The following RAB27A variants were observed in gnomAD, a reference collection of about 807,000 sequenced individuals.
RAB27A encodes ras-related protein Rab-27A.
In RAB27A, 17 loss-of-function variants were observed where a neutral mutation model predicts 20.8. The observed-to-expected ratio is 0.82, with a 90% confidence interval of 0.56 to 1.23. The LOEUF (loss-of-function observed/expected upper bound fraction) is 1.23, where lower values mean the gene tolerates loss of function less well. Ranked by LOEUF, RAB27A falls within the 50% of genes most tolerant of loss-of-function variation. The pLI is 0.00. For missense variants in RAB27A, 277 were observed against 266.7 expected (o/e 1.04, Z -0.27); for synonymous variants, 85 against 92.8 (o/e 0.92, Z 0.48).
intron 2 of RAB27A, among the ~76,000 whole-genome samples, chr15:55,299,063 C>T (rs1282769234): frequency 6.6e-6 from 1 of 152,136 alleles, no homozygotes; most frequent in Non-Finnish European, 1.5e-5. Flanking sequence ...TCCTCCTCAG[C>T]TGACAGGATT....
At chr15:55,239,087 G>T (rs527372800) in intron 2 of RAB27A, among the ~76,000 whole-genome samples, 1 of 152,232 alleles carries the variant, frequency 6.6e-6, no homozygotes, top group East Asian at 1.9e-4. Context: ...GGACATGCAG[G>T]TTCTGACAGG....
At chr15:55,271,539 T>C (rs971080495) in intron 1 of RAB27A, among the ~76,000 whole-genome samples, 2 of 152,246 alleles carry the variant, frequency 1.3e-5, no homozygotes, top group Non-Finnish European at 2.9e-5. Flanking sequence ...TGGCTCCTTG[T>C]GCCAGCAATG....
chr15:55,277,153 C>G (rs186803213), intron 1 of RAB27A, among the ~76,000 whole-genome samples: 1 of 152,090 alleles, frequency 6.6e-6, no homozygotes, highest in African/African-American at 2.4e-5. Flanking sequence ...TTCTCTACTT[C>G]TGTAATAAAG....
chr15:55,267,840 A>G (rs958956655), intron 2 of RAB27A, among the ~76,000 whole-genome samples: 3 of 152,200 alleles, frequency 2.0e-5, no homozygotes, highest in African/African-American at 4.8e-5. Flanking sequence ...AGCCGCAGAG[A>G]GAGGCAGCCT....
intron 2 of RAB27A, among the ~76,000 whole-genome samples, chr15:55,255,335 T>C (rs141478659): frequency 6.6e-6 from 1 of 152,338 alleles, no homozygotes; most frequent in African/African-American, 2.4e-5. Context: ...ATGAATGCTT[T>C]GGCTAACTTG....
intron 2 of RAB27A, among the ~76,000 whole-genome samples, chr15:55,312,694 C>T (rs879459232): frequency 2.0e-5 from 3 of 152,038 alleles, no homozygotes; most frequent in Non-Finnish European, 2.9e-5. Flanking sequence ...TATGTAACAA[C>T]TAAACTGGCA....
At chr15:55,297,561 C>T (rs2054954764) in intron 2 of RAB27A, among the ~76,000 whole-genome samples, 1 of 152,230 alleles carries the variant, frequency 6.6e-6, no homozygotes, top group Non-Finnish European at 1.5e-5. Flanking sequence ...CAGCTGGGGC[C>T]TCTTACCAGT....
At chr15:55,310,384 C>T (rs1595757480) in intron 2 of RAB27A, among the ~76,000 whole-genome samples, 1 of 152,186 alleles carries the variant, frequency 6.6e-6, no homozygotes, top group East Asian at 1.9e-4. Flanking sequence ...GCCCCGGGCA[C>T]CCTCAGTCCT....
chr15:55,215,423 A>C (rs8026414), intron 6 of RAB27A, among the ~76,000 whole-genome samples: 51,380 of 147,224 alleles, frequency 0.35, 10,749 homozygotes, highest in African/African-American at 0.6. Context: ...GAGGCCGAGG[A>C]GGGCGGATCA....
upstream of RAB27A, among the ~76,000 whole-genome samples, chr15:55,293,705 G>A (rs1330187871): frequency 1.3e-5 from 2 of 151,884 alleles, no homozygotes; most frequent in Non-Finnish European, 2.9e-5. Flanking sequence ...ATTACCTGAG[G>A]TCAGGAGTTT....
chr15:55,283,401 A>G (rs1345118724), intron 1 of RAB27A, among the ~76,000 whole-genome samples: 1 of 152,194 alleles, frequency 6.6e-6, no homozygotes, highest in Non-Finnish European at 1.5e-5. Flanking sequence ...ATTCTTCCAC[A>G]TTCAAGCAGG....
chr15:55,205,102 CTG>C lies in RAB27A; in HGVS notation c.*403_*404del, dbSNP rs1218170207. ...TGAGTCTTCAAATCTGGATTGAAGA[CTG>C]TGGCGGTTTTATAACTGCATGTAAG... is the stretch of plus-strand genomic sequence containing the variant. On this transcript the variant is annotated 3_prime_UTR_variant, in exon 7 of 7. Transcript: ENST00000336787. 1.3e-5 allele frequency: 3 copies of C among 233,584 alleles called. No homozygotes were observed. Among genetic ancestry groups the C allele is most frequent in the Admixed American group, 5.2e-5 (1 of 19,154 alleles). 14.5% of individuals were successfully genotyped at this position (233,584 alleles called of 1,614,324 possible).
chr15:55,262,641 G>GT (rs112757960), intron 2 of RAB27A, among the ~76,000 whole-genome samples: 22,125 of 142,818 alleles, frequency 0.15, 1,883 homozygotes, highest in Middle Eastern at 0.2. Flanking sequence ...CTTTTTTTTT[G>GT]TTTTTTTTTG....
chr15:55,238,000 G>C (rs148042815), intron 2 of RAB27A: 2 of 151,994 alleles, frequency 1.3e-5, no homozygotes, highest in African/African-American at 4.8e-5. Context: ...AATGATCTTC[G>C]TGAGTTTTGT....
rs187987601 is a variant in RAB27A, at chr15:55,255,400, A to C, written c.-23+14765T>G. 1.3e-4 allele frequency among the ~76,000 whole-genome samples: 20 copies of C among 152,182 alleles called. No homozygotes were observed. In the South Asian group the frequency reaches 2.5e-3, roughly 19 times the overall value. On this transcript the variant is annotated intron_variant, in intron 2 of 6. Coordinates refer to ENST00000336787, the MANE Select transcript of RAB27A (RefSeq NM_183235.3). ...CATTCCCACCTCATGGGTGTGTTTC[A>C]TCTCTTTGGTACAGTTGCATATTTC...
At chr15:55,262,720 C>T (rs1390428993) in intron 2 of RAB27A, among the ~76,000 whole-genome samples, 2 of 150,648 alleles carry the variant, frequency 1.3e-5, no homozygotes, top group Admixed American at 6.6e-5. Flanking sequence ...GCAGCCTCGG[C>T]CTCCCAGGCT....
At chr15:55,304,121 A>G (rs183882224) in intron 2 of RAB27A, among the ~76,000 whole-genome samples, 147 of 151,664 alleles carry the variant, frequency 9.7e-4, no homozygotes, top group African/African-American at 3.5e-3. Flanking sequence ...TGCACTAAGA[A>G]AGGTTCCTCT....
At chr15:55,253,863 G>T (rs1896986282) in intron 2 of RAB27A, among the ~76,000 whole-genome samples, 1 of 152,156 alleles carries the variant, frequency 6.6e-6, no homozygotes, top group Non-Finnish European at 1.5e-5. Flanking sequence ...AAAGGAAATT[G>T]TAGACAAGAG....
intron 1 of RAB27A, among the ~76,000 whole-genome samples, chr15:55,315,604 G>A (rs1475781108): frequency 1.3e-5 from 2 of 152,158 alleles, no homozygotes; most frequent in African/African-American, 4.8e-5. Flanking sequence ...GATATGAACA[G>A]ACACTTCTCA....
Sources: allele counts gnomAD v4.1 joint callset (sites outside exome capture counted in the v4.1 genomes callset), GRCh38; gene constraint gnomAD v4.1.1; transcripts MANE v1.5; gene names NCBI Gene and HGNC (gene_info 2026-07-23, HGNC 2026-07-21).